The following TAFA2 variants were observed in gnomAD, a reference collection of about 807,000 sequenced individuals.
TAFA2 encodes chemokine-like protein TAFA-2.
Under a neutral mutation model 18.8 loss-of-function variants are expected in TAFA2, and 7 were observed. That is an observed-to-expected ratio of 0.37 (90% confidence interval 0.21 to 0.70). TAFA2 has a LOEUF of 0.70. TAFA2 is among the 30% of genes least tolerant of loss of function. The pLI is 0.53. For synonymous variants in TAFA2, 60 were observed against 54.2 expected, an observed-to-expected ratio of 1.11 and a Z score of -0.47; for missense variants, 122 against 158.1, an observed-to-expected ratio of 0.77 and a Z score of 1.23.
chr12:62,132,595 TAAAC>T (rs1243677665), intron 1 of TAFA2, among the ~76,000 whole-genome samples: 1 of 151,964 alleles, frequency 6.6e-6, no homozygotes, highest in Non-Finnish European at 1.5e-5. Flanking sequence ...AACGTAGAAA[TAAAC>T]AAAAGTAATT....
At chr12:62,071,929 G>GT (rs946156260) in intron 1 of TAFA2, among the ~76,000 whole-genome samples, 2 of 152,230 alleles carry the variant, frequency 1.3e-5, no homozygotes, top group East Asian at 1.9e-4. Context: ...AGTTCTTGAT[G>GT]TTTTATTATG....
At chr12:61,867,952 T>C (rs1180661850) in intron 1 of TAFA2, among the ~76,000 whole-genome samples, 1 of 152,246 alleles carries the variant, frequency 6.6e-6, no homozygotes, top group South Asian at 2.1e-4. Flanking sequence ...TACTGCAAAG[T>C]AACCTGATCC....
chr12:61,921,104 T>A (rs1877034085), intron 1 of TAFA2, among the ~76,000 whole-genome samples: 1 of 152,164 alleles, frequency 6.6e-6, no homozygotes, highest in Non-Finnish European at 1.5e-5. Context: ...ATAATGGGAA[T>A]GATTGGCCAT....
intron 1 of TAFA2, among the ~76,000 whole-genome samples, chr12:62,054,335 T>C (rs188016153): frequency 6.6e-6 from 1 of 152,334 alleles, no homozygotes; most frequent in East Asian, 1.9e-4. Flanking sequence ...ATTAATGTCC[T>C]AGATTCAATG....
chr12:62,021,465 T>C, intron 1 of TAFA2: 1 of 405,060 alleles, frequency 2.5e-6, no homozygotes, highest in South Asian at 1.8e-5. Context: ...CAAAGTCCAC[T>C]GCATCATTCT....
At chr12:61,788,555 G>T (rs576034123) in intron 2 of TAFA2, among the ~76,000 whole-genome samples, 1 of 151,620 alleles carries the variant, frequency 6.6e-6, no homozygotes, top group Non-Finnish European at 1.5e-5. Context: ...ATAAAGATTA[G>T]AGCAGAAACA....
At chr12:62,147,062 G>A (rs902478362) in intron 1 of TAFA2, among the ~76,000 whole-genome samples, 8 of 151,436 alleles carry the variant, frequency 5.3e-5, no homozygotes, top group Non-Finnish European at 1.0e-4. Flanking sequence ...AATGAACCAT[G>A]AGGAAAGGAT....
chr12:61,862,577 G>A (rs1185191680), intron 2 of TAFA2, among the ~76,000 whole-genome samples: 1 of 152,184 alleles, frequency 6.6e-6, no homozygotes, highest in East Asian at 1.9e-4. Flanking sequence ...TATTTCGGTA[G>A]AGGTATTTAT....
At chr12:61,931,041 T>C (rs73310261) in intron 1 of TAFA2, among the ~76,000 whole-genome samples, 11,210 of 152,286 alleles carry the variant, frequency 0.074, 1,336 homozygotes, top group African/African-American at 0.25. Context: ...ATTTATTTCC[T>C]TATATGACAT....
chr12:62,251,205 A>T (rs2062912158), intron 1 of TAFA2, among the ~76,000 whole-genome samples: 1 of 152,218 alleles, frequency 6.6e-6, no homozygotes, highest in African/African-American at 2.4e-5. Flanking sequence ...TGCAGTGGCA[A>T]AACATTTGGT....
chr12:62,051,672 C>T (rs142989806), intron 1 of TAFA2, among the ~76,000 whole-genome samples: 15 of 151,522 alleles, frequency 9.9e-5, no homozygotes, highest in Admixed American at 3.3e-4. Flanking sequence ...AGGAGAGAGG[C>T]GACAGGAACT....
chr12:61,774,991 G>T (rs1474707173), intron 2 of TAFA2, among the ~76,000 whole-genome samples: 1 of 151,740 alleles, frequency 6.6e-6, no homozygotes, highest in Non-Finnish European at 1.5e-5. Context: ...CACAACTCAA[G>T]TTTAAAAAGG....
chr12:62,229,849 T>C (rs1449314195), intron 1 of TAFA2, among the ~76,000 whole-genome samples: 4 of 151,210 alleles, frequency 2.6e-5, no homozygotes, highest in African/African-American at 9.7e-5. Flanking sequence ...CCTGGATTTT[T>C]GTTGTTGTTG....
intron 1 of TAFA2, among the ~76,000 whole-genome samples, chr12:61,909,708 A>G (rs1399831679): frequency 1.3e-5 from 2 of 152,214 alleles, no homozygotes; most frequent in Non-Finnish European, 2.9e-5. Context: ...TAGGGAAACC[A>G]GGAATTGAGA....
intron 1 of TAFA2, among the ~76,000 whole-genome samples, chr12:62,137,614 C>G (rs567859660): frequency 2.0e-5 from 3 of 152,046 alleles, no homozygotes; most frequent in Non-Finnish European, 4.4e-5. Flanking sequence ...TCATGGAGTA[C>G]ATAACTAATC....
At chr12:61,740,008 T>C (rs1013981966) in intron 4 of TAFA2, among the ~76,000 whole-genome samples, 2 of 152,080 alleles carry the variant, frequency 1.3e-5, no homozygotes, top group Admixed American at 1.3e-4. Context: ...ATATAGAGTA[T>C]TTTAAAGTTG....
chr12:61,748,565 TG>T (rs1353417615), intron 4 of TAFA2, among the ~76,000 whole-genome samples: 2 of 152,112 alleles, frequency 1.3e-5, no homozygotes, highest in Admixed American at 6.6e-5. Context: ...TCATTTCCCA[TG>T]GGTCTGAATT....
intron 1 of TAFA2, among the ~76,000 whole-genome samples, chr12:62,072,193 G>A (rs577523734): frequency 1.3e-5 from 2 of 152,052 alleles, no homozygotes; most frequent in East Asian, 1.9e-4. Context: ...GGCCGGGCGC[G>A]GTGGCTCACG....
At chr12:62,202,378 G>A (rs1394474813) in intron 1 of TAFA2, among the ~76,000 whole-genome samples, 4 of 150,708 alleles carry the variant, frequency 2.7e-5, no homozygotes, top group Admixed American at 6.6e-5. Context: ...ACAGAGTCTC[G>A]CTCTGTGGCC....
Sources: allele counts gnomAD v4.1 joint callset (sites outside exome capture counted in the v4.1 genomes callset), GRCh38; gene constraint gnomAD v4.1.1; transcripts MANE v1.5; gene names NCBI Gene and HGNC (gene_info 2026-07-23, HGNC 2026-07-21).